The following CDH13 variants were observed in gnomAD, a reference collection of about 807,000 sequenced individuals.
The protein encoded by CDH13 is cadherin-13.
Under a neutral mutation model 63.8 loss-of-function variants are expected in CDH13, and 24 were observed. That is an observed-to-expected ratio of 0.38 (90% CI 0.27 to 0.53). The LOEUF is 0.53. CDH13 is among the 20% of genes least tolerant of loss of function. The pLI is 0.85. For missense variants in CDH13, 1,049 were observed against 903.1 expected (o/e 1.16, Z -2.07); for synonymous variants, 503 against 355.3 (o/e 1.42, Z -4.67).
At chr16:82,690,523 C>T (rs896373571) in intron 1 of CDH13, among the ~76,000 whole-genome samples, 33 of 152,086 alleles carry the variant, frequency 2.2e-4, no homozygotes, top group Non-Finnish European at 3.5e-4. Flanking sequence ...CTAAGCTATT[C>T]TGGATAGAAA....
chr16:82,797,764 A>G (rs1597618631), intron 1 of CDH13, among the ~76,000 whole-genome samples: 1 of 125,050 alleles, frequency 8.0e-6, no homozygotes, highest in Non-Finnish European at 1.8e-5. Flanking sequence ...CCCATGTATG[A>G]CTTTAGGGCC....
chr16:82,804,340 C>A (rs554088610), intron 1 of CDH13, among the ~76,000 whole-genome samples: 1 of 149,502 alleles, frequency 6.7e-6, no homozygotes, highest in African/African-American at 2.5e-5. Flanking sequence ...CAAAGAAATA[C>A]AATGAAGCTT....
chr16:83,599,252 G>A (rs1016866347), intron 7 of CDH13, among the ~76,000 whole-genome samples: 1 of 152,216 alleles, frequency 6.6e-6, no homozygotes, highest in Non-Finnish European at 1.5e-5. Flanking sequence ...AATGCTATGA[G>A]AACTTTATCT....
At position 83,589,042 on chromosome 16, in the gene CDH13, G is replaced by A. The variant is rs150576754; in HGVS notation, c.961-13412G>A. On this transcript the variant is annotated intron_variant, in intron 7 of 13. Transcript: ENST00000567109. The stretch of plus-strand genomic sequence containing the variant: ...TATCCTACAGAGCTAGAAGTCAGAA[G>A]TCCAAAATAAGTCTCACTGGGCCAA... Among the ~76,000 whole-genome samples, 131 of 152,300 alleles carry A rather than the reference G, an allele frequency of 8.6e-4. 1 individual carries two copies. Among genetic ancestry groups the A allele is most frequent in the African/African-American group, 3.1e-3 (129 of 41,560 alleles).
rs2039568679 is a variant in CDH13, at chr16:83,217,402, G to C, written c.541G>C (p.Asp181His). ...GTTCCGGCTCACTGGAAAGGGAGTG[G>C]ATCAAGAGCCTAAAGGAATTTTCAG... ...SKFRLTGKGVDQEPKGIFRIN... is the reference protein window; with the variant it reads ...SKFRLTGKGVHQEPKGIFRIN... The change falls in exon 5 of 14, where the codon GAT becomes CAT. Residue 181 changes from aspartate to histidine, a missense_variant. Transcript: ENST00000567109. The C allele has an allele frequency of 3.1e-6, 5 of 1,613,950 alleles. No homozygotes were observed. Among genetic ancestry groups the C allele is most frequent in the Non-Finnish European group, 4.2e-6 (5 of 1,179,858 alleles).
rs11365656 is a variant in CDH13, at chr16:83,533,618, CTT to C, written c.960+46982_960+46983del. Among the ~76,000 whole-genome samples the C allele has an allele frequency of 5.1e-3, 588 of 116,040 alleles. 1 individual carries two copies. Among genetic ancestry groups the C allele is most frequent in the East Asian group, 7.9e-3 (32 of 4,044 alleles). 76.1% of individuals were successfully genotyped at this position (116,040 alleles called of 152,430 possible). On this transcript the variant is annotated intron_variant, in intron 7 of 13. Coordinates refer to ENST00000567109, the MANE Select transcript of CDH13 (RefSeq NM_001257.5). Reference sequence around the variant, plus strand: ...AGGATTTAAGTATAATTTACATTATCTTTTTTTTTTTTTTTTTTTTGAGATGG... The same window carrying C: ...AGGATTTAAGTATAATTTACATTATCTTTTTTTTTTTTTTTTTTGAGATGG...
chr16:83,399,663 C>G (rs59534745), intron 6 of CDH13, among the ~76,000 whole-genome samples: 10,401 of 152,240 alleles, frequency 0.068, 397 homozygotes, highest in East Asian at 0.18. Flanking sequence ...ATGCAGCTTT[C>G]TCCTTGTTCG....
rs138381033 is a variant in CDH13, at chr16:83,168,035, G to A, written c.483+42534G>A. ...GACATAAAGATGGCAACAATAGACA[G>A]TGGGGACTACTAGAGTGGGGAGGGA... On this transcript the variant is annotated intron_variant, in intron 4 of 13. Transcript: ENST00000567109. Among the ~76,000 whole-genome samples, 126 of 152,004 alleles carry A rather than the reference G, an allele frequency of 8.3e-4. 1 individual carries two copies. Among genetic ancestry groups the A allele is most frequent in the Non-Finnish European group, 1.0e-3 (69 of 67,956 alleles).
chr16:83,628,246 C>T (rs1237510019), intron 8 of CDH13, among the ~76,000 whole-genome samples: 1 of 151,864 alleles, frequency 6.6e-6, no homozygotes, highest in African/African-American at 2.4e-5. Flanking sequence ...CTGGTTCAAA[C>T]GCCTCTGACA....
chr16:82,806,102 A>G (rs2151169875), intron 1 of CDH13, among the ~76,000 whole-genome samples: 1 of 152,228 alleles, frequency 6.6e-6, no homozygotes, highest in Non-Finnish European at 1.5e-5. Flanking sequence ...TCCAAGCTCA[A>G]GGGTGATTGA....
Position 83,047,033 on chromosome 16 carries a change from G to A in CDH13, c.366+14815G>A, listed in dbSNP as rs887008108. Among the ~76,000 whole-genome samples the A allele has an allele frequency of 1.8e-4, 28 of 152,160 alleles. No individual in the cohort carries two copies. Among genetic ancestry groups the A allele is most frequent in the African/African-American group, 4.8e-4 (20 of 41,440 alleles). Reference sequence around the variant, plus strand: ...TGCAGCAAATCCTTTGACAGAGAATGTGCACTGTCAACCAACCCCTTCATC... The same window carrying A: ...TGCAGCAAATCCTTTGACAGAGAATATGCACTGTCAACCAACCCCTTCATC... On this transcript the variant is annotated intron_variant, in intron 3 of 13. Coordinates refer to ENST00000567109, the MANE Select transcript of CDH13 (RefSeq NM_001257.5). This position sits in a 1 kb window ranked among gnomAD's most constrained non-coding sequence, Gnocchi z 4.9.
chr16:83,293,516 A>G (rs952810975), intron 5 of CDH13, among the ~76,000 whole-genome samples: 5 of 152,170 alleles, frequency 3.3e-5, no homozygotes, highest in African/African-American at 1.2e-4. Flanking sequence ...GCAGTCTAGA[A>G]TGTCGTCATC....
rs975806028 is a variant in CDH13, at chr16:83,798,673, G to C, written c.*3643G>C. The C allele has an allele frequency of 6.6e-6, 1 of 152,222 alleles. No individual in the cohort carries two copies. Among genetic ancestry groups the C allele is most frequent in the African/African-American group, 2.4e-5 (1 of 41,442 alleles). The allele number at this position is 152,222 out of a possible 1,614,324, so 9.4% of individuals were successfully genotyped here. On this transcript the variant is annotated 3_prime_UTR_variant, in exon 14 of 14. Transcript: ENST00000567109. ...CAACCCAGGAGCAAAACCAGACAAA[G>C]TGCCTACTGCAGACCGGAAGACCCT... is the stretch of plus-strand genomic sequence containing the variant.
chr16:83,416,263 A>G (rs2071545611), intron 6 of CDH13, among the ~76,000 whole-genome samples: 1 of 152,234 alleles, frequency 6.6e-6, no homozygotes, highest in African/African-American at 2.4e-5. Flanking sequence ...ACAAACAGAT[A>G]GAGATCTTGT....
chr16:83,490,036 C>CAA (rs2073976339), intron 7 of CDH13, among the ~76,000 whole-genome samples: 1 of 147,830 alleles, frequency 6.8e-6, no homozygotes, highest in African/African-American at 2.6e-5. Flanking sequence ...CACACACACA[C>CAA]ACACACACAC....
intron 1 of CDH13, among the ~76,000 whole-genome samples, chr16:82,721,466 T>G (rs1006871881): frequency 1.3e-5 from 2 of 152,028 alleles, no homozygotes; most frequent in African/African-American, 4.8e-5. Context: ...AGGATAGGTA[T>G]GGGCACATGG....
chr16:83,117,445 A>G (rs573505103), intron 3 of CDH13, among the ~76,000 whole-genome samples: 1 of 151,992 alleles, frequency 6.6e-6, no homozygotes, highest in Non-Finnish European at 1.5e-5. Context: ...TGTCTAAAAC[A>G]TCAGCACCCT....
intron 6 of CDH13, among the ~76,000 whole-genome samples, chr16:83,470,790 C>T (rs1726821663): frequency 6.6e-6 from 1 of 152,172 alleles, no homozygotes; most frequent in South Asian, 2.1e-4. Context: ...TATGAGCTTC[C>T]TTTTGTGGCT....
At chr16:83,388,787 C>T (rs76321065) in intron 6 of CDH13, among the ~76,000 whole-genome samples, 16,511 of 152,208 alleles carry the variant, frequency 0.11, 1,177 homozygotes, top group Non-Finnish European at 0.16. Context: ...CCAGGATGGC[C>T]ATGGATACAG....
Sources: allele counts gnomAD v4.1 joint callset (sites outside exome capture counted in the v4.1 genomes callset), GRCh38; gene constraint gnomAD v4.1.1; non-coding constraint Gnocchi (gnomAD v3.1); transcripts MANE v1.5; gene names NCBI Gene and HGNC (gene_info 2026-07-23, HGNC 2026-07-21).